The following GRID1 variants were observed in gnomAD, a reference collection of about 807,000 sequenced individuals.
The protein encoded by GRID1 is glutamate receptor ionotropic, delta-1.
A neutral mutation model predicts 98.0 loss-of-function variants in GRID1; 28 were observed. That is an observed-to-expected ratio of 0.29 (90% CI 0.21 to 0.39). The LOEUF (loss-of-function observed/expected upper bound fraction) is 0.39, where lower values mean the gene tolerates loss of function less well. Ranked by LOEUF, GRID1 falls within the 10% of genes least tolerant of loss-of-function variation. GRID1 has a pLI of 1.00. For missense variants in GRID1, 1,111 were observed against 1,340.5 expected (o/e 0.83, Z 2.67); for synonymous variants, 553 against 538.5 (o/e 1.03, Z -0.37).
At chr10:85,945,016 T>C (rs1842038671) in intron 4 of GRID1, among the ~76,000 whole-genome samples, 1 of 152,174 alleles carries the variant, frequency 6.6e-6, no homozygotes, top group South Asian at 2.1e-4. Flanking sequence ...ACTATAGAAA[T>C]AAAGGTTAAC....
intron 8 of GRID1, among the ~76,000 whole-genome samples, chr10:85,767,945 GA>G (rs1342207307): frequency 1.3e-5 from 2 of 152,154 alleles, no homozygotes; most frequent in Non-Finnish European, 2.9e-5. Context: ...GCTGTTTGCA[GA>G]AAAAAATCCT....
At chr10:85,708,131 A>C (rs1412160822) in intron 12 of GRID1, among the ~76,000 whole-genome samples, 11 of 100,688 alleles carry the variant, frequency 1.1e-4, no homozygotes, top group East Asian at 8.7e-4. Context: ...AAAAAAAAAA[A>C]CACAAGATTA....
intron 4 of GRID1, among the ~76,000 whole-genome samples, chr10:86,037,071 G>A (rs1843275262): frequency 6.6e-6 from 1 of 152,184 alleles, no homozygotes; most frequent in South Asian, 2.1e-4. Context: ...ATCAGAGTGA[G>A]TTCTAAAGGT....
chr10:85,704,625 G>C (rs1479012416), intron 12 of GRID1, among the ~76,000 whole-genome samples: 1 of 152,176 alleles, frequency 6.6e-6, no homozygotes, highest in Admixed American at 6.5e-5. Context: ...GGACCTAATA[G>C]ACATCTACAG....
intron 2 of GRID1, among the ~76,000 whole-genome samples, chr10:86,329,532 C>T (rs1009034089): frequency 6.6e-6 from 1 of 152,110 alleles, no homozygotes; most frequent in African/African-American, 2.4e-5. Flanking sequence ...AGGGGTGGGC[C>T]GAGTGTGCAG....
chr10:86,142,508 G>T (rs1253707196), intron 3 of GRID1, among the ~76,000 whole-genome samples: 1 of 152,218 alleles, frequency 6.6e-6, no homozygotes, highest in Non-Finnish European at 1.5e-5. Flanking sequence ...AACACCAGTG[G>T]TCCTCACTGC....
intron 8 of GRID1, among the ~76,000 whole-genome samples, chr10:85,731,477 A>AG (rs397787144): frequency 1.1e-4 from 17 of 150,816 alleles, no homozygotes; most frequent in Admixed American, 9.2e-4. Flanking sequence ...AAAAAAAAAA[A>AG]GCAAAAATCA....
intron 8 of GRID1, among the ~76,000 whole-genome samples, chr10:85,847,690 T>A (rs1462770273): frequency 6.6e-6 from 1 of 151,044 alleles, no homozygotes; most frequent in Non-Finnish European, 1.5e-5. Context: ...CCCAAATCCA[T>A]CCCAGTTAGA....
At chr10:86,165,915 G>A (rs1021646334) in intron 3 of GRID1, among the ~76,000 whole-genome samples, 2 of 152,150 alleles carry the variant, frequency 1.3e-5, no homozygotes, top group Non-Finnish European at 2.9e-5. Context: ...GCAGAGCAAC[G>A]GTTCCCACCA....
At chr10:85,969,860 G>C (rs1324244494) in intron 4 of GRID1, among the ~76,000 whole-genome samples, 1 of 151,122 alleles carries the variant, frequency 6.6e-6, no homozygotes, top group East Asian at 1.9e-4. Context: ...GGAAATAAAT[G>C]AAATAGAGCA....
intron 12 of GRID1, among the ~76,000 whole-genome samples, chr10:85,684,941 C>A (rs994996761): frequency 2.6e-5 from 4 of 152,192 alleles, no homozygotes; most frequent in African/African-American, 9.7e-5. Context: ...CATATGACCT[C>A]ATTTAATCTC....
chr10:85,904,715 T>TA (rs544729989), intron 5 of GRID1, among the ~76,000 whole-genome samples: 5,846 of 140,402 alleles, frequency 0.042, 153 homozygotes, highest in Middle Eastern at 0.089. Flanking sequence ...TGTATGAAAT[T>TA]AAAAAAAAAA....
At position 86,365,424 on chromosome 10, in the gene GRID1, C is replaced by G. The variant is rs1365086382; in HGVS notation, c.79+890G>C. Among the ~76,000 whole-genome samples the G allele has an allele frequency of 1.3e-5, 2 of 151,814 alleles. No individual in the cohort carries two copies. The highest frequency in any genetic ancestry group is 4.8e-5 in the African/African-American group (2 of 41,306). On this transcript the variant is annotated intron_variant, in intron 1 of 15. Coordinates refer to ENST00000327946, the MANE Select transcript of GRID1 (RefSeq NM_017551.3). This position sits in a 1 kb window ranked among gnomAD's most constrained non-coding sequence, Gnocchi z 4.8. ...CCCGAGATTCCTCCCGTGTTGCTCC[C>G]AACTCCCACCCACTCCCCCTCGGCG...
intron 8 of GRID1, among the ~76,000 whole-genome samples, chr10:85,746,873 G>A (rs889901965): frequency 2.0e-5 from 3 of 152,076 alleles, no homozygotes; most frequent in African/African-American, 7.2e-5. Context: ...AAATGTTGGG[G>A]TCATTTGTTA....
At chr10:85,884,917 G>A (rs564838378) in intron 5 of GRID1, among the ~76,000 whole-genome samples, 6 of 152,020 alleles carry the variant, frequency 3.9e-5, no homozygotes, top group Admixed American at 6.5e-5. Context: ...AAGAAATGAG[G>A]GATGGAGTTT....
intron 2 of GRID1, among the ~76,000 whole-genome samples, chr10:86,266,777 G>T (rs1411933205): frequency 3.3e-5 from 5 of 152,210 alleles, no homozygotes; most frequent in African/African-American, 1.2e-4. Context: ...TGAACCCTGG[G>T]ATTCACAGGC....
intron 6 of GRID1, among the ~76,000 whole-genome samples, chr10:85,859,499 A>G (rs1843145377): frequency 6.6e-6 from 1 of 152,202 alleles, no homozygotes; most frequent in Non-Finnish European, 1.5e-5. Flanking sequence ...GTTTTACAAA[A>G]AAGAGAAATT....
chr10:85,765,320 C>T lies in GRID1; in HGVS notation c.1234-35706G>A, dbSNP rs566446691. Reference sequence around the variant, plus strand: ...GCACGGGCTGGCTTAGGCCTCAAGACCCTCCTGTTGCTCTGGCAATGCTGA... The same window carrying T: ...GCACGGGCTGGCTTAGGCCTCAAGATCCTCCTGTTGCTCTGGCAATGCTGA... On this transcript the variant is annotated intron_variant, in intron 8 of 15. Coordinates refer to ENST00000327946, the MANE Select transcript of GRID1 (RefSeq NM_017551.3). 5.3e-5 allele frequency among the ~76,000 whole-genome samples: 8 copies of T among 152,284 alleles called. No homozygotes were observed. In the South Asian group the frequency reaches 1.5e-3, roughly 28 times the overall value.
chr10:85,933,949 G>T, intron 4 of GRID1, among the ~76,000 whole-genome samples: 1 of 152,218 alleles, frequency 6.6e-6, no homozygotes, highest in East Asian at 1.9e-4. Context: ...ATTTAAAAAT[G>T]TACAGAACAG....
Sources: gnomAD v4.1 joint callset for allele counts (sites outside exome capture counted in the v4.1 genomes callset) on GRCh38, gnomAD v4.1.1 for gene constraint, Gnocchi (gnomAD v3.1) non-coding constraint, MANE v1.5 for transcripts, NCBI Gene and HGNC (gene_info 2026-07-23, HGNC 2026-07-21) for gene names.